Variants in CHN1 observed in about 807,000 individuals in gnomAD.
CHN1 encodes the protein N-chimaerin.
CHN1 carries 37 observed loss-of-function variants against 59.5 expected under a neutral mutation model. The ratio of observed to expected loss-of-function variants is 0.62; its 90% confidence interval spans 0.48 to 0.82. The LOEUF is 0.82. CHN1 is among the 40% of genes least tolerant of loss of function. The pLI, the probability that CHN1 is intolerant of heterozygous loss-of-function variation, is 0.00. For synonymous variants in CHN1, 206 were observed against 200.4 expected (o/e 1.03, Z -0.24); for missense variants, 469 against 571.0 (o/e 0.82, Z 1.82).
chr2:174,946,956 C>A (rs997093015), intron 2 of CHN1, among the ~76,000 whole-genome samples: 5 of 149,172 alleles, frequency 3.4e-5, no homozygotes, highest in Middle Eastern at 3.2e-3. Context: ...CATATTGGTA[C>A]CTATAAGGTA....
chr2:174,801,533 T>C (rs376641656), intron 12 of CHN1, among the ~76,000 whole-genome samples, 174 bp downstream of exon 12: 1 of 152,212 alleles, frequency 6.6e-6, no homozygotes, highest in Non-Finnish European at 1.5e-5. Context: ...AGTATTATAG[T>C]GTAAAATATT....
intron 1 of CHN1, among the ~76,000 whole-genome samples, chr2:174,995,056 G>T (rs184349888): frequency 8.1e-4 from 123 of 152,214 alleles, no homozygotes; most frequent in Non-Finnish European, 1.4e-3. Context: ...TTGATTGAAG[G>T]TTATTCACAA....
At chr2:174,932,214 C>A (rs1229611034) in intron 3 of CHN1, among the ~76,000 whole-genome samples, 5 of 152,168 alleles carry the variant, frequency 3.3e-5, no homozygotes, top group South Asian at 2.1e-4. Context: ...TAACTAGACA[C>A]AACAGAAGTT....
chr2:174,869,536 G>A (rs887853292), intron 6 of CHN1, among the ~76,000 whole-genome samples: 1 of 151,824 alleles, frequency 6.6e-6, no homozygotes, highest in African/African-American at 2.4e-5. Context: ...TCTACAAGAG[G>A]GCATGAGAGA....
At position 174,981,563 on chromosome 2, in the gene CHN1, A is replaced by G. The variant is rs1574239555; in HGVS notation, c.19+23331T>C. On this transcript the variant is annotated intron_variant, in intron 1 of 12. Transcript: ENST00000409900. Reference sequence around the variant, plus strand: ...CCGTCTGAGCTATTCAGCATCCCTCATGACGAATGCCTGAACATGTATCAC... The same window carrying G: ...CCGTCTGAGCTATTCAGCATCCCTCGTGACGAATGCCTGAACATGTATCAC... Among the ~76,000 whole-genome samples the G allele has an allele frequency of 3.3e-5, 5 of 152,220 alleles. No individual in the cohort carries two copies. The South Asian group carries it at 1.0e-3, about 31-fold the overall frequency.
chr2:174,885,672 T>C (rs1276698407), intron 5 of CHN1, among the ~76,000 whole-genome samples: 2 of 152,092 alleles, frequency 1.3e-5, no homozygotes, highest in Non-Finnish European at 2.9e-5. Context: ...GGTTTTGCCA[T>C]GTTGGCCAGG....
At chr2:174,979,023 G>C (rs1405050669) in intron 1 of CHN1, among the ~76,000 whole-genome samples, 1 of 152,166 alleles carries the variant, frequency 6.6e-6, no homozygotes, top group East Asian at 1.9e-4. Flanking sequence ...GTAAAGTACA[G>C]TCTCTGTATT....
At chr2:174,973,597 G>A (rs1690827905) in intron 1 of CHN1, among the ~76,000 whole-genome samples, 2 of 152,188 alleles carry the variant, frequency 1.3e-5, no homozygotes, top group South Asian at 2.1e-4. Context: ...ACTTCTGGGT[G>A]CTCAGGAGGA....
chr2:174,923,742 T>C (rs781220079), intron 3 of CHN1, among the ~76,000 whole-genome samples: 25 of 152,322 alleles, frequency 1.6e-4, no homozygotes, highest in Middle Eastern at 3.4e-3. Context: ...ATTTATTCAA[T>C]AGTCTTACAG....
At chr2:174,868,686 A>G (rs1449564846) in intron 6 of CHN1, among the ~76,000 whole-genome samples, 2 of 152,168 alleles carry the variant, frequency 1.3e-5, no homozygotes, top group Non-Finnish European at 1.5e-5. Flanking sequence ...ACAACCCGCA[A>G]TCCACCCATG....
chr2:174,866,581 T>TATAATTAGAA (rs1687222903), intron 6 of CHN1, among the ~76,000 whole-genome samples: 1 of 152,194 alleles, frequency 6.6e-6, no homozygotes, highest in Non-Finnish European at 1.5e-5. Flanking sequence ...ATTGAAATAC[T>TATAATTAGAA]TGGTAATTAG....
chr2:174,995,609 T>C (rs1691683494), intron 1 of CHN1, among the ~76,000 whole-genome samples: 1 of 152,212 alleles, frequency 6.6e-6, no homozygotes, highest in Non-Finnish European at 1.5e-5. Flanking sequence ...TATGAGAATC[T>C]AATGCCATTG....
chr2:174,877,655 CTAACA>C (rs1464617761), intron 6 of CHN1, among the ~76,000 whole-genome samples, 180 bp downstream of exon 6: 2 of 151,930 alleles, frequency 1.3e-5, no homozygotes, highest in African/African-American at 2.4e-5. Context: ...AAAAATTTAC[CTAACA>C]TATTTTAATA....
At chr2:175,004,705 G>A (rs1363775110) in intron 1 of CHN1, among the ~76,000 whole-genome samples, 189 bp downstream of exon 1, 2 of 151,918 alleles carry the variant, frequency 1.3e-5, no homozygotes, top group Non-Finnish European at 2.9e-5. Context: ...GGCCCTGCCG[G>A]GAGAGGAAAC....
chr2:174,962,144 G>A (rs1574217669), intron 1 of CHN1, among the ~76,000 whole-genome samples: 1 of 152,176 alleles, frequency 6.6e-6, no homozygotes, highest in Admixed American at 6.5e-5. Context: ...AATTAGCCGG[G>A]CGGGGTGGCG....
At chr2:174,815,092 C>T (rs1000731790) in intron 8 of CHN1, among the ~76,000 whole-genome samples, 2 of 152,036 alleles carry the variant, frequency 1.3e-5, no homozygotes, top group African/African-American at 4.8e-5. Context: ...AATCTATTTT[C>T]TAAGCCAAGC....
At chr2:174,824,107 T>C (rs1342089087) in intron 8 of CHN1, among the ~76,000 whole-genome samples, 1 of 152,226 alleles carries the variant, frequency 6.6e-6, no homozygotes, top group African/African-American at 2.4e-5. Flanking sequence ...TTTTATAAAT[T>C]TAGTTACTGC....
chr2:174,891,891 A>G (rs542739659), intron 5 of CHN1, among the ~76,000 whole-genome samples: 2 of 152,314 alleles, frequency 1.3e-5, no homozygotes, highest in African/African-American at 2.4e-5. Context: ...AAAATATAGC[A>G]AAGACTAAAA....
rs531759122 is a variant in CHN1 at position 174,902,664 on chromosome 2, T to C, written c.260+12394A>G. 2.6e-5 allele frequency among the ~76,000 whole-genome samples: 4 copies of C among 152,302 alleles called. No individual in the cohort carries two copies. The East Asian group carries it at 7.7e-4, about 29-fold the overall frequency. On this transcript the variant is annotated intron_variant, in intron 5 of 12. Transcript: ENST00000409900. Reference sequence around the variant, plus strand: ...TGCAGGAAATGGAATGAAACCATGGTAACCAACTGAACCTATCATGAGCTA... The same window carrying C: ...TGCAGGAAATGGAATGAAACCATGGCAACCAACTGAACCTATCATGAGCTA...
Sources: gnomAD v4.1 joint callset for allele counts (sites outside exome capture counted in the v4.1 genomes callset) on GRCh38, gnomAD v4.1.1 for gene constraint, MANE v1.5 for transcripts, NCBI Gene and HGNC (gene_info 2026-07-23, HGNC 2026-07-21) for gene names.